Variants in PTK7 observed in about 807,000 individuals in gnomAD.
The protein encoded by PTK7 is protein tyrosine kinase 7 (inactive).
PTK7 carries 39 observed loss-of-function variants against 116.6 expected under a neutral mutation model. That is an observed-to-expected ratio of 0.33 (90% CI 0.26 to 0.44). PTK7 has a LOEUF of 0.44. Ranked by LOEUF, PTK7 falls within the 20% of genes least tolerant of loss-of-function variation. The pLI is 1.00. For synonymous variants in PTK7, 546 were observed against 563.6 expected, an observed-to-expected ratio of 0.97 and a Z score of 0.44; for missense variants, 1,169 against 1,425.6, an observed-to-expected ratio of 0.82 and a Z score of 2.90.
At position 43,076,582 on chromosome 6, in the gene PTK7, GTT is replaced by G. The variant is rs771504097; in HGVS notation, c.79+16_79+17del. ...GCTGCTGGGCGGTGAGTACCCGAGA[GTT>G]GGGGGCACAGAGCTTGGGAAGCGCG... is the stretch of plus-strand genomic sequence containing the variant. On this transcript the variant is annotated intron_variant, in intron 1 of 19. Coordinates refer to ENST00000230419, the MANE Select transcript of PTK7 (RefSeq NM_002821.5). This position sits in a 1 kb window ranked among gnomAD's most constrained non-coding sequence, Gnocchi z 5.7. 10 of 1,574,008 alleles carry G rather than the reference GTT, an allele frequency of 6.4e-6. No homozygotes were observed. Among genetic ancestry groups the G allele is most frequent in the Non-Finnish European group, 7.7e-6 (9 of 1,165,482 alleles).
At position 43,130,419 on chromosome 6, in the gene PTK7, T is replaced by TGGTGAGCCTGG; in HGVS notation, c.661+4_661+14dup. The stretch of plus-strand genomic sequence containing the variant: ...GCCAGAACTTCACCTTGAGCATTGC[T>TGGTGAGCCTGG]GGTGAGCCTGGGGTGGGGGCGGAAG... On this transcript the variant is annotated frameshift_variant and splice_region_variant, in exon 4 of 20. Transcript: ENST00000230419. LOFTEE classifies it high-confidence loss of function. The TGGTGAGCCTGG allele has an allele frequency of 6.2e-7, 1 of 1,605,286 alleles. No individual in the cohort carries two copies. Among genetic ancestry groups the TGGTGAGCCTGG allele is most frequent in the South Asian group, 1.1e-5 (1 of 90,788 alleles).
intron 1 of PTK7, among the ~76,000 whole-genome samples, chr6:43,107,696 A>C (rs1422618985): frequency 6.6e-6 from 1 of 152,218 alleles, no homozygotes; most frequent in African/African-American, 2.4e-5. Flanking sequence ...TGAATTAAGA[A>C]TGATAATTAA....
intron 1 of PTK7, among the ~76,000 whole-genome samples, chr6:43,111,721 G>A (rs1300105498): frequency 6.6e-6 from 1 of 152,034 alleles, no homozygotes; most frequent in Non-Finnish European, 1.5e-5. Context: ...GGGATGCAGT[G>A]GCACGATCAT....
intron 1 of PTK7, among the ~76,000 whole-genome samples, chr6:43,127,161 G>A (rs1261588089): frequency 6.6e-6 from 1 of 152,242 alleles, no homozygotes; most frequent in Non-Finnish European, 1.5e-5. Flanking sequence ...GGAAGGGATG[G>A]AAAAGACTCC....
chr6:43,083,888 G>A (rs546348182), intron 1 of PTK7, among the ~76,000 whole-genome samples: 97 of 152,186 alleles, frequency 6.4e-4, no homozygotes, highest in Non-Finnish European at 1.2e-3. Flanking sequence ...GGTAGGGATT[G>A]TAAGTTACAT....
chr6:43,139,403 C>T lies in PTK7; in HGVS notation c.1499-3C>T. 6.2e-7 allele frequency: 1 copy of T among 1,614,210 alleles called. No homozygotes were observed. The highest frequency in any genetic ancestry group is 8.5e-7 in the Non-Finnish European group (1 of 1,180,034). On this transcript the variant is annotated splice_region_variant and splice_polypyrimidine_tract_variant and intron_variant, in intron 9 of 19. Coordinates refer to ENST00000230419, the MANE Select transcript of PTK7 (RefSeq NM_002821.5). This position sits in a 1 kb window ranked among gnomAD's most constrained non-coding sequence, Gnocchi z 4.6. ...TCTTTCTACCCACCCTCTGCTGAAACAGAAAAGCTCAAGTTCACACCACCA... is the reference window on the plus strand; with the variant it reads ...TCTTTCTACCCACCCTCTGCTGAAATAGAAAAGCTCAAGTTCACACCACCA...
chr6:43,148,527 A>T (rs1770855669), intron 17 of PTK7, among the ~76,000 whole-genome samples: 2 of 152,210 alleles, frequency 1.3e-5, no homozygotes, highest in South Asian at 4.1e-4. Context: ...GATGGCTTCA[A>T]GAGTCAGGGG....
At chr6:43,107,311 GC>G (rs1349275042) in intron 1 of PTK7, among the ~76,000 whole-genome samples, 1 of 152,160 alleles carries the variant, frequency 6.6e-6, no homozygotes, top group African/African-American at 2.4e-5. Flanking sequence ...TGATAATACA[GC>G]AAAGCCTACA....
intron 16 of PTK7, 35 bp from the exon 17 acceptor site, chr6:43,146,583 A>C (rs1770742937): frequency 6.3e-7 from 1 of 1,592,660 alleles, no homozygotes; most frequent in South Asian, 1.1e-5. Context: ...ATGGCTGTGC[A>C]CTGACCTGAG....
At chr6:43,079,707 C>T (rs1766260496) in intron 1 of PTK7, among the ~76,000 whole-genome samples, 1 of 152,096 alleles carries the variant, frequency 6.6e-6, no homozygotes, top group Non-Finnish European at 1.5e-5. Context: ...CTTCCTGCCT[C>T]AGTGCTCTAA....
intron 1 of PTK7, among the ~76,000 whole-genome samples, chr6:43,118,659 C>CTCTCTATA (rs1212636673): frequency 1.7e-4 from 9 of 53,014 alleles, no homozygotes; most frequent in South Asian, 6.9e-4. Flanking sequence ...CTCTCTCTCT[C>CTCTCTATA]TATATATATA....
chr6:43,132,363 A>G (rs1171729190), intron 6 of PTK7, 58 bp from the exon 7 acceptor site: 1 of 1,531,028 alleles, frequency 6.5e-7, no homozygotes, highest in Non-Finnish European at 8.8e-7. Flanking sequence ...GTGGGAGAAC[A>G]TCATGTACCC....
chr6:43,161,259 T>A lies in PTK7; in HGVS notation c.*378T>A, dbSNP rs1322262553. On this transcript the variant is annotated 3_prime_UTR_variant, in exon 20 of 20. Coordinates refer to ENST00000230419, the MANE Select transcript of PTK7 (RefSeq NM_002821.5). Reference sequence around the variant, plus strand: ...GGGGAGGGCTAGGCTTGGGATGAGCTGGGTTTGTGGGGAGTTCCTTAATAT... The same window carrying A: ...GGGGAGGGCTAGGCTTGGGATGAGCAGGGTTTGTGGGGAGTTCCTTAATAT... 1 of 218,600 alleles carries A rather than the reference T, an allele frequency of 4.6e-6. No individual in the cohort carries two copies. Among genetic ancestry groups the A allele is most frequent in the Non-Finnish European group, 9.2e-6 (1 of 108,170 alleles). 13.5% of individuals were successfully genotyped at this position (218,600 alleles called of 1,614,324 possible). A position where few individuals can be genotyped will look rare whatever the true frequency, so the allele number is the denominator to read the frequency against.
In PTK7 at chr6:43,143,772, G is replaced by A. The variant is rs2150454055; in HGVS notation, c.2251+152G>A. The A allele has an allele frequency of 2.3e-6, 2 of 852,396 alleles. No individual in the cohort carries two copies. The highest frequency in any genetic ancestry group is 3.6e-4 in the Middle Eastern group (1 of 2,752). The allele number at this position is 852,396 out of a possible 1,614,324, so 52.8% of individuals were successfully genotyped here. A position where few individuals can be genotyped will look rare whatever the true frequency, so the allele number is the denominator to read the frequency against. ...TGCCCCACCCCTAGCGGGAAGCCTG[G>A]AGTTGGATTCCCAGGGCCTCGTCTT... On this transcript the variant is annotated intron_variant, in intron 14 of 19. Transcript: ENST00000230419. This position sits in a 1 kb window ranked among gnomAD's most constrained non-coding sequence, Gnocchi z 4.2.
intron 1 of PTK7, among the ~76,000 whole-genome samples, chr6:43,092,768 G>A (rs949467494): frequency 6.6e-6 from 1 of 152,164 alleles, no homozygotes; most frequent in Non-Finnish European, 1.5e-5. Context: ...GGTTATAACT[G>A]TGATGGTTAT....
In PTK7 at chr6:43,129,075, C is replaced by G. The variant is rs1769479273; in HGVS notation, c.178C>G (p.Pro60Ala). The G allele has an allele frequency of 6.2e-7, 1 of 1,614,086 alleles. No homozygotes were observed. The highest frequency in any genetic ancestry group is 1.3e-5 in the African/African-American group (1 of 74,934). ...LLRCEVEAPG[P>A]VHVYWLLDGA... ...TCGCTGTGAGGTTGAGGCTCCGGGCCCGGTACATGTGTACTGGCTGCTCGA... is the reference window on the plus strand; with the variant it reads ...TCGCTGTGAGGTTGAGGCTCCGGGCGCGGTACATGTGTACTGGCTGCTCGA... The change falls in exon 2 of 20, where the codon CCG (proline) becomes GCG (alanine). Residue 60 changes from proline (P) to alanine (A), a missense_variant. Physicochemically the swap from Pro to Ala is conservative, Grantham distance 27. Around this residue, in one of 3 missense-constraint regions of PTK7, gnomAD observed 487 missense variants for 549.8 expected, o/e 0.89. Coordinates refer to ENST00000230419, the MANE Select transcript of PTK7 (RefSeq NM_002821.5). This position sits in a 1 kb window ranked among gnomAD's most constrained non-coding sequence, Gnocchi z 4.5.
chr6:43,096,837 T>C (rs966642472), intron 1 of PTK7, among the ~76,000 whole-genome samples: 1 of 151,992 alleles, frequency 6.6e-6, no homozygotes, highest in Non-Finnish European at 1.5e-5. Flanking sequence ...GCTAAGTGTT[T>C]TGTTGCTGAA....
At chr6:43,150,871 C>T (rs1267057479) in intron 17 of PTK7, among the ~76,000 whole-genome samples, 2 of 136,154 alleles carry the variant, frequency 1.5e-5, no homozygotes, top group Non-Finnish European at 3.1e-5. Flanking sequence ...GCAGTGGCAC[C>T]ATCTCGGCTC....
intron 1 of PTK7, among the ~76,000 whole-genome samples, chr6:43,101,575 G>T (rs1396178754): frequency 6.6e-6 from 1 of 151,220 alleles, no homozygotes; most frequent in African/African-American, 2.4e-5. Flanking sequence ...AAAAAAAAAA[G>T]AAAGATAGTT....
Sources: allele counts gnomAD v4.1 joint callset (sites outside exome capture counted in the v4.1 genomes callset), GRCh38; gene constraint gnomAD v4.1.1; regional missense constraint gnomAD v4.1.1; non-coding constraint Gnocchi (gnomAD v3.1); transcripts MANE v1.5; gene names NCBI Gene and HGNC (gene_info 2026-07-23, HGNC 2026-07-21).